The following ENPP5 variants were observed in gnomAD, a reference collection of about 807,000 sequenced individuals.
The protein encoded by ENPP5 is E-NPP 5.
ENPP5 carries 27 observed loss-of-function variants against 33.7 expected under a neutral mutation model. That is an observed-to-expected ratio of 0.80 (90% CI 0.59 to 1.11). The LOEUF (loss-of-function observed/expected upper bound fraction) is 1.11, where lower values mean the gene tolerates loss of function less well. Among genes scored for constraint, ENPP5 ranks in the 50% least tolerant of loss-of-function variants. The probability of loss-of-function intolerance (pLI) is 0.00; values close to 1 mark genes in which losing one functional copy is unlikely to be tolerated. For synonymous variants in ENPP5, 199 were observed against 200.5 expected (o/e 0.99, Z 0.06); for missense variants, 552 against 579.2 (o/e 0.95, Z 0.48).
intron 4 of ENPP5, among the ~76,000 whole-genome samples, chr6:46,164,492 A>C (rs1006277890): frequency 2.6e-5 from 4 of 152,146 alleles, no homozygotes; most frequent in African/African-American, 9.7e-5. Flanking sequence ...CATAATATAA[A>C]TTGAGTATTA....
rs1764585289 is a variant in ENPP5 at position 46,167,527 on chromosome 6, C to A, written c.736G>T (p.Glu246Ter). The change falls in exon 3 of 5, where the codon GAG (glutamate) becomes TAG (stop). Residue 246 changes from glutamate to a stop codon, truncating the protein, a stop_gained. Transcript: ENST00000371383. LOFTEE classifies it high-confidence loss of function. ...TGGTCAAGTTCTATTAACCTTTCCTCAGAGCACTGCGTCATTCCATGATCA... is the reference window on the plus strand; with the variant it reads ...TGGTCAAGTTCTATTAACCTTTCCTAAGAGCACTGCGTCATTCCATGATCA... Reference protein sequence around the residue: ...TSDHGMTQCSEERLIELDQYL... With the variant: ...TSDHGMTQCS 6.2e-7 allele frequency: 1 copy of A among 1,614,098 alleles called. No individual in the cohort carries two copies. The highest frequency in any genetic ancestry group is 1.3e-5 in the African/African-American group (1 of 74,934).
At position 46,167,441 on chromosome 6, in the gene ENPP5, T is replaced by C. The variant is rs143944060; in HGVS notation, c.822A>G (p.Pro274=). The C allele has an allele frequency of 5.0e-4, 808 of 1,601,516 alleles. No individual in the cohort carries two copies. The highest frequency in any genetic ancestry group is 6.6e-4 in the Non-Finnish European group (768 of 1,169,820). ...IDQSPVAAIL[P]KEGKFDEVYE... Reference sequence around the variant, plus strand: ...TCATTCAGTCAGCCTTACCTTCTTTTGGCAAGATGGCTGCTACTGGAGATT... The same window carrying C: ...TCATTCAGTCAGCCTTACCTTCTTTCGGCAAGATGGCTGCTACTGGAGATT... The change falls in exon 3 of 5, where the codon CCA becomes CCG. Residue 274 remains proline, a synonymous_variant. Coordinates refer to ENST00000371383, the MANE Select transcript of ENPP5 (RefSeq NM_001290072.2).
At position 46,165,301 on chromosome 6, in the gene ENPP5, C is replaced by A. The variant is rs933439853; in HGVS notation, c.1006+86G>T. On this transcript the variant is annotated intron_variant, in intron 4 of 4. Transcript: ENST00000371383. Reference sequence around the variant, plus strand: ...AGTAACAGACAGTAAAAATATCAATCAATAAACTGCTGTATTATGTATTTA... The same window carrying A: ...AGTAACAGACAGTAAAAATATCAATAAATAAACTGCTGTATTATGTATTTA... 6 of 969,116 alleles carry A rather than the reference C, an allele frequency of 6.2e-6. No homozygotes were observed. The African/African-American group carries it at 8.4e-5, about 14-fold the overall frequency. The allele number at this position is 969,116 out of a possible 1,614,324, so 60.0% of individuals were successfully genotyped here. A position where few individuals can be genotyped will look rare whatever the true frequency, so the allele number is the denominator to read the frequency against.
intron 3 of ENPP5, among the ~76,000 whole-genome samples, chr6:46,166,660 G>A (rs892926559): frequency 1.9e-4 from 21 of 112,472 alleles, no homozygotes; most frequent in Non-Finnish European, 3.6e-4. Context: ...TTTAACATTC[G>A]CTGTTTCATA....
chr6:46,165,481 C>T lies in ENPP5; in HGVS notation c.912G>A (p.Arg304=). Residue 304 remains arginine, a synonymous_variant, in exon 4 of 5, where the codon AGG becomes AGA. Transcript: ENST00000371383. ...TVYKKEDVPE[R]WHYKYNSRIQ... is the part of the protein sequence containing the mutation. ...TTCGACTGTTGTATTTGTAATGCCA[C>T]CTTTCTGGAACGTCTTCTTTTTTGT... 1 of 1,611,810 alleles carries T rather than the reference C, an allele frequency of 6.2e-7. No individual in the cohort carries two copies. Among genetic ancestry groups the T allele is most frequent in the Non-Finnish European group, 8.5e-7 (1 of 1,179,526 alleles).
At position 46,160,166 on chromosome 6, in the gene ENPP5, T is replaced by C. The variant is rs1190183784; in HGVS notation, c.*1160A>G. The C allele has an allele frequency of 6.6e-6, 1 of 152,218 alleles. No homozygotes were observed. Among genetic ancestry groups the C allele is most frequent in the Non-Finnish European group, 1.5e-5 (1 of 68,036 alleles). 9.4% of individuals were successfully genotyped at this position (152,218 alleles called of 1,614,324 possible). ...ATACCTGTTACCACAAAGAGTTATT[T>C]TGCTGCTTTTTCTAGTATGCACACT... On this transcript the variant is annotated 3_prime_UTR_variant, in exon 5 of 5. Coordinates refer to ENST00000371383, the MANE Select transcript of ENPP5 (RefSeq NM_001290072.2).
chr6:46,163,216 CTT>C (rs10583447), intron 4 of ENPP5, among the ~76,000 whole-genome samples: 66,172 of 148,960 alleles, frequency 0.44, 15,899 homozygotes, highest in South Asian at 0.68. Flanking sequence ...ATTTGCATTT[CTT>C]TTTTTTTTTT....
In ENPP5 at chr6:46,160,422, A is replaced by C. The variant is rs901011171; in HGVS notation, c.*904T>G. On this transcript the variant is annotated 3_prime_UTR_variant, in exon 5 of 5. Transcript: ENST00000371383. ...TTTTATCCAATTTGATTTTTAATGTAATTAATAGTGATTTAATTTTCAAAG... is the reference window on the plus strand; with the variant it reads ...TTTTATCCAATTTGATTTTTAATGTCATTAATAGTGATTTAATTTTCAAAG... 1 of 152,196 alleles carries C rather than the reference A, an allele frequency of 6.6e-6. No individual in the cohort carries two copies. The highest frequency in any genetic ancestry group is 1.9e-4 in the East Asian group (1 of 5,202). The allele number at this position is 152,196 out of a possible 1,614,324, so 9.4% of individuals were successfully genotyped here. A position where few individuals can be genotyped will look rare whatever the true frequency, so the allele number is the denominator to read the frequency against.
intron 2 of ENPP5, among the ~76,000 whole-genome samples, chr6:46,169,417 G>C (rs1053786884): frequency 4.0e-5 from 6 of 149,182 alleles, no homozygotes; most frequent in African/African-American, 1.5e-4. Flanking sequence ...TTTTGAGAGG[G>C]AGTCTCACTC....
rs1482413758 is a variant in ENPP5 at position 46,160,403 on chromosome 6, C to A, written c.*923G>T. 6.6e-6 allele frequency: 1 copy of A among 151,998 alleles called. No homozygotes were observed. Among genetic ancestry groups the A allele is most frequent in the Non-Finnish European group, 1.5e-5 (1 of 67,992 alleles). The allele number at this position is 151,998 out of a possible 1,614,324, so 9.4% of individuals were successfully genotyped here. On this transcript the variant is annotated 3_prime_UTR_variant, in exon 5 of 5. Transcript: ENST00000371383. ...TACCAGAAAGAAAACATTGTTTTAT[C>A]CAATTTGATTTTTAATGTAATTAAT...
intron 3 of ENPP5, among the ~76,000 whole-genome samples, chr6:46,166,822 G>A (rs1372233965): frequency 1.3e-5 from 2 of 152,112 alleles, no homozygotes; most frequent in African/African-American, 4.8e-5. Context: ...CACTTATTTT[G>A]TGACCTCAGG....
Position 46,161,595 on chromosome 6 carries a change from T to C in ENPP5, c.1165A>G (p.Asn389Asp), listed in dbSNP as rs376086523. The change falls in exon 5 of 5, where the codon AAT becomes GAT. Residue 389 changes from asparagine to aspartate, a missense_variant. By Grantham distance (23) the Asn-to-Asp change is conservative (BLOSUM62 1). Coordinates refer to ENST00000371383, the MANE Select transcript of ENPP5 (RefSeq NM_001290072.2). ...HLLNITAMPH[N>D]GSFWNVQDLL... ...TCCTGGACATTCCAGAATGATCCAT[T>C]GTGTGGCATGGCGGTGATATTGAGG... The C allele has an allele frequency of 1.9e-5, 30 of 1,613,962 alleles. No homozygotes were observed. The highest frequency in any genetic ancestry group is 4.0e-5 in the African/African-American group (3 of 74,910).
Position 46,165,422 on chromosome 6 carries a change from C to T in ENPP5, c.971G>A (p.Trp324Ter), listed in dbSNP as rs1764512773. The T allele has an allele frequency of 3.8e-6, 6 of 1,595,560 alleles. No homozygotes were observed. Among genetic ancestry groups the T allele is most frequent in the Non-Finnish European group, 5.1e-6 (6 of 1,174,998 alleles). Residue 324 changes from tryptophan to a stop codon, truncating the protein, a stop_gained, in exon 4 of 5, where the codon TGG becomes TAG. Coordinates refer to ENST00000371383, the MANE Select transcript of ENPP5 (RefSeq NM_001290072.2). LOFTEE classifies it high-confidence loss of function. Reference protein sequence around the residue: ...QPIIAVADEGWHILQNKSDDF... With the variant: ...QPIIAVADEG ...ATCTGACTTATTCTGTAAAATGTGC[C>T]ACCCTTCATCAGCCACTGCTATGAT...
At chr6:46,169,803 G>A (rs1294295610) in intron 2 of ENPP5, among the ~76,000 whole-genome samples, 1 of 152,170 alleles carries the variant, frequency 6.6e-6, no homozygotes, top group Non-Finnish European at 1.5e-5. Context: ...GAAATACAAG[G>A]TATATGTACA....
In ENPP5 at chr6:46,161,241, C is replaced by T; in HGVS notation, c.*85G>A. 8.8e-7 allele frequency: 1 copy of T among 1,140,322 alleles called. No individual in the cohort carries two copies. The highest frequency in any genetic ancestry group is 1.2e-6 in the Non-Finnish European group (1 of 802,484). The allele number at this position is 1,140,322 out of a possible 1,614,324, so 70.6% of individuals were successfully genotyped here. A position where few individuals can be genotyped will look rare whatever the true frequency, so the allele number is the denominator to read the frequency against. ...TAATGGTTTCTGCAAATGTTTGGAA[C>T]TGGTTTCCCAGAATTTGAAACCTTT... is the stretch of plus-strand genomic sequence containing the variant. On this transcript the variant is annotated 3_prime_UTR_variant, in exon 5 of 5. Transcript: ENST00000371383.
At position 46,161,206 on chromosome 6, in the gene ENPP5, T is replaced by C. The variant is rs1764380714; in HGVS notation, c.*120A>G. 1.2e-5 allele frequency: 9 copies of C among 748,776 alleles called. No individual in the cohort carries two copies. Among genetic ancestry groups the C allele is most frequent in the Admixed American group, 2.8e-5 (1 of 35,912 alleles). 46.4% of individuals were successfully genotyped at this position (748,776 alleles called of 1,614,324 possible). A position where few individuals can be genotyped will look rare whatever the true frequency, so the allele number is the denominator to read the frequency against. ...GTGTGTGTGTGTGTATACCTAAATA[T>C]GTAACTGCTTAATGGTTTCTGCAAA... On this transcript the variant is annotated 3_prime_UTR_variant, in exon 5 of 5. Coordinates refer to ENST00000371383, the MANE Select transcript of ENPP5 (RefSeq NM_001290072.2).
Position 46,167,957 on chromosome 6 carries a change from T to C in ENPP5, c.306A>G (p.Lys102=), listed in dbSNP as rs1299135938. The change falls in exon 3 of 5, where the codon AAA becomes AAG. Residue 102 remains lysine, a synonymous_variant. Coordinates refer to ENST00000371383, the MANE Select transcript of ENPP5 (RefSeq NM_001290072.2). ...ANDMFDPIRN[K]SFSLDHMNIY... Reference sequence around the variant, plus strand: ...TATTCATGTGATCCAAGGAGAAAGATTTGTTCCGAATAGGATCAAACATAT... The same window carrying C: ...TATTCATGTGATCCAAGGAGAAAGACTTGTTCCGAATAGGATCAAACATAT... The C allele has an allele frequency of 6.2e-7, 1 of 1,614,230 alleles. No individual in the cohort carries two copies. Among genetic ancestry groups the C allele is most frequent in the Non-Finnish European group, 8.5e-7 (1 of 1,180,042 alleles).
In ENPP5 at chr6:46,161,316, C is replaced by G. The variant is rs1354268312; in HGVS notation, c.*10G>C. ...TCCACTTCAATATGCAAATCCACTT[C>G]AAAGTAACATTAGGCTTGTAATAAT... On this transcript the variant is annotated 3_prime_UTR_variant, in exon 5 of 5. Coordinates refer to ENST00000371383, the MANE Select transcript of ENPP5 (RefSeq NM_001290072.2). 1.3e-6 allele frequency: 2 copies of G among 1,597,572 alleles called. No individual in the cohort carries two copies. Among genetic ancestry groups the G allele is most frequent in the African/African-American group, 2.7e-5 (2 of 74,506 alleles).
At chr6:46,165,926 G>A (rs748672832) in intron 3 of ENPP5, among the ~76,000 whole-genome samples, 16 of 152,104 alleles carry the variant, frequency 1.1e-4, no homozygotes, top group Non-Finnish European at 1.5e-4. Flanking sequence ...AAGAAAACAT[G>A]GTGAGGGGTG....
Sources: allele counts gnomAD v4.1 joint callset (sites outside exome capture counted in the v4.1 genomes callset), GRCh38; gene constraint gnomAD v4.1.1; transcripts MANE v1.5; gene names NCBI Gene and HGNC (gene_info 2026-07-23, HGNC 2026-07-21).